Variants in TP63 observed in about 807,000 individuals in gnomAD.
TP63 encodes tumor protein 63.
In TP63, 17 loss-of-function variants were observed where a neutral mutation model predicts 82.8. The observed-to-expected ratio is 0.21, with a 90% CI of 0.14 to 0.31. The LOEUF (loss-of-function observed/expected upper bound fraction) is 0.31. TP63 is among the 10% of genes least tolerant of loss of function. The pLI, the probability that TP63 is intolerant of heterozygous loss-of-function variation, is 1.00. For synonymous variants in TP63, 330 were observed against 321.7 expected (o/e 1.03, Z -0.28); for missense variants, 648 against 895.3 (o/e 0.72, Z 3.52).
At chr3:189,753,775 C>T (rs2108526110) in intron 3 of TP63, among the ~76,000 whole-genome samples, 1 of 152,070 alleles carries the variant, frequency 6.6e-6, no homozygotes, top group East Asian at 1.9e-4. Flanking sequence ...ATTATTTAAC[C>T]TATTTTTAGT....
upstream of TP63, among the ~76,000 whole-genome samples, chr3:189,627,892 T>C (rs1729355029): frequency 1.3e-5 from 2 of 152,202 alleles, no homozygotes; most frequent in Admixed American, 1.3e-4. Flanking sequence ...TTATACCTCA[T>C]AAAGTAACTC....
chr3:189,822,563 A>G (rs1246920938), intron 4 of TP63, among the ~76,000 whole-genome samples: 1 of 152,194 alleles, frequency 6.6e-6, no homozygotes, highest in African/African-American at 2.4e-5. Flanking sequence ...GAAGATGAGT[A>G]GTATTTATCT....
chr3:189,689,742 G>A (rs773663822), intron 1 of TP63, among the ~76,000 whole-genome samples: 1 of 152,148 alleles, frequency 6.6e-6, no homozygotes, highest in Non-Finnish European at 1.5e-5. Flanking sequence ...ATTTTTAATT[G>A]TCTTAAGGCC....
intron 10 of TP63, among the ~76,000 whole-genome samples, chr3:189,875,770 A>G (rs1719142636): frequency 6.6e-6 from 1 of 151,186 alleles, no homozygotes; most frequent in African/African-American, 2.4e-5. Flanking sequence ...ATTCCAAGCT[A>G]GAAAGTTATT....
intron 3 of TP63, among the ~76,000 whole-genome samples, chr3:189,785,000 C>A (rs778541549): frequency 7.2e-5 from 11 of 152,026 alleles, no homozygotes; most frequent in Non-Finnish European, 1.5e-4. Flanking sequence ...CTGCAGCAGC[C>A]TGGAAAGCCC....
At position 189,647,875 on chromosome 3, in the gene TP63, GT is replaced by G. The variant is rs1294403895; in HGVS notation, c.62+16300del. ...AGTATGCGTACATTTTAAAGATAAT[GT>G]TATTTATTTCACTTGCAATGGAAAT... On this transcript the variant is annotated intron_variant, in intron 1 of 13. Transcript: ENST00000264731. 2.0e-5 allele frequency among the ~76,000 whole-genome samples: 3 copies of G among 147,118 alleles called. 1 individual carries two copies. The highest frequency in any genetic ancestry group is 4.5e-5 in the Non-Finnish European group (3 of 67,348).
intron 1 of TP63, among the ~76,000 whole-genome samples, chr3:189,719,323 C>T (rs1338282989): frequency 6.6e-6 from 1 of 152,130 alleles, no homozygotes; most frequent in Non-Finnish European, 1.5e-5. Context: ...TAGTTATAAG[C>T]TTCCTAATCT....
intron 1 of TP63, among the ~76,000 whole-genome samples, chr3:189,663,113 G>A (rs1452810644): frequency 6.6e-6 from 1 of 152,020 alleles, no homozygotes; most frequent in Middle Eastern, 3.4e-3. Context: ...AAGATCCTCC[G>A]GTCTTACTGA....
At chr3:189,883,166 A>G (rs958192848) in intron 10 of TP63, among the ~76,000 whole-genome samples, 1 of 137,634 alleles carries the variant, frequency 7.3e-6, no homozygotes, top group Non-Finnish European at 1.6e-5. Context: ...CTTAAGAACT[A>G]TTGTATTAAA....
chr3:189,844,267 G>A (rs1384806864), intron 4 of TP63: 1 of 411,256 alleles, frequency 2.4e-6, no homozygotes, highest in Admixed American at 2.5e-5. Context: ...CACCTCCTGG[G>A]TTCAAGTGGT....
At chr3:189,836,815 C>A (rs1400362402) in intron 4 of TP63, among the ~76,000 whole-genome samples, 2 of 152,168 alleles carry the variant, frequency 1.3e-5, no homozygotes, top group Admixed American at 6.5e-5. Flanking sequence ...GTAAGCATGT[C>A]ACACTCTGAC....
At chr3:189,811,625 C>G (rs966981044) in intron 4 of TP63, among the ~76,000 whole-genome samples, 1 of 152,214 alleles carries the variant, frequency 6.6e-6, no homozygotes, top group African/African-American at 2.4e-5. Context: ...CATGTTTATA[C>G]ACAGACTTCC....
intron 3 of TP63, among the ~76,000 whole-genome samples, chr3:189,740,972 A>G (rs1720938372): frequency 6.6e-6 from 1 of 152,172 alleles, no homozygotes; most frequent in Non-Finnish European, 1.5e-5. Flanking sequence ...ATTTTTCTCT[A>G]AAGTAGAACA....
intron 1 of TP63, among the ~76,000 whole-genome samples, chr3:189,722,368 G>A (rs1719455636): frequency 6.6e-6 from 1 of 152,238 alleles, no homozygotes; most frequent in South Asian, 2.1e-4. Context: ...CGTCTTTAGT[G>A]TCAGCAATCC....
rs10937410 is a variant in TP63, at chr3:189,731,429, C to T, written c.63-6311C>T. 0.39 allele frequency among the ~76,000 whole-genome samples: 59,282 copies of T among 151,936 alleles called. 11,788 individuals are homozygous for T. The highest frequency in any genetic ancestry group is 0.47 in the African/African-American group (19,536 of 41,438). On this transcript the variant is annotated intron_variant, in intron 1 of 13. Transcript: ENST00000264731. Reference sequence around the variant, plus strand: ...TGAACCAGTTCTTCTTAGATTTCAGCTTTTCTGTCTGTTAAATTAGAAAAA... The same window carrying T: ...TGAACCAGTTCTTCTTAGATTTCAGTTTTTCTGTCTGTTAAATTAGAAAAA...
chr3:189,847,647 C>T (rs1397424232), intron 4 of TP63, among the ~76,000 whole-genome samples: 1 of 152,138 alleles, frequency 6.6e-6, no homozygotes, highest in Admixed American at 6.5e-5. Flanking sequence ...CACTGGGGGT[C>T]CTTTCTAAAT....
intron 1 of TP63, among the ~76,000 whole-genome samples, chr3:189,681,765 C>A (rs554029881): frequency 1.6e-4 from 24 of 152,214 alleles, no homozygotes; most frequent in African/African-American, 5.8e-4. Context: ...TATATGGATA[C>A]TTCCTCAGGT....
intron 3 of TP63, among the ~76,000 whole-genome samples, chr3:189,758,986 G>T (rs1444034085): frequency 1.3e-5 from 2 of 152,172 alleles, no homozygotes; most frequent in Non-Finnish European, 2.9e-5. Context: ...GTTTATTTGG[G>T]TGTCATTCAG....
At chr3:189,841,398 A>G (rs1015674804) in intron 4 of TP63, among the ~76,000 whole-genome samples, 4 of 152,198 alleles carry the variant, frequency 2.6e-5, no homozygotes, top group African/African-American at 4.8e-5. Context: ...GGTGTCATTT[A>G]TGGAAATCAG....
Sources: allele counts gnomAD v4.1 joint callset (sites outside exome capture counted in the v4.1 genomes callset), GRCh38; gene constraint gnomAD v4.1.1; transcripts MANE v1.5; gene names NCBI Gene and HGNC (gene_info 2026-07-23, HGNC 2026-07-21).